NMRK1: variants seen among roughly 807,000 people sequenced by gnomAD.
The protein encoded by NMRK1 is nicotinamide riboside kinase 1.
A neutral mutation model predicts 29.9 loss-of-function variants in NMRK1; 28 were observed. The observed-to-expected ratio is 0.94, with a 90% CI of 0.69 to 1.28. NMRK1 has a LOEUF of 1.28. Among genes scored for constraint, NMRK1 ranks in the 50% most tolerant of loss-of-function variants. The pLI is 0.00. For synonymous variants in NMRK1, 58 were observed against 73.0 expected, an observed-to-expected ratio of 0.79 and a Z score of 1.05; for missense variants, 218 against 233.1, an observed-to-expected ratio of 0.94 and a Z score of 0.42.
intron 1 of NMRK1, 192 bp downstream of exon 1, chr9:75,087,816 G>A (rs1824765042): frequency 6.6e-6 from 1 of 152,266 alleles, no homozygotes; most frequent in African/African-American, 2.4e-5. Flanking sequence ...CGGGGCGCTA[G>A]AGCACCACGC....
In NMRK1 at chr9:75,083,019, A is replaced by G. The variant is rs1824406437; in HGVS notation, c.29+68T>C. ...TCACTGCTTCTCCGTCCCCCACTCCATCCACACAGAAACACCATTTGGACA... is the reference window on the plus strand; with the variant it reads ...TCACTGCTTCTCCGTCCCCCACTCCGTCCACACAGAAACACCATTTGGACA... On this transcript the variant is annotated intron_variant, in intron 2 of 8. Transcript: ENST00000361092. 9.7e-5 allele frequency: 111 copies of G among 1,145,998 alleles called. No homozygotes were observed. In the South Asian group the frequency reaches 1.3e-3, roughly 13 times the overall value. 71.0% of individuals were successfully genotyped at this position (1,145,998 alleles called of 1,614,324 possible).
chr9:75,080,468 A>AGATAG (rs1178148271), intron 2 of NMRK1, among the ~76,000 whole-genome samples: 1 of 152,194 alleles, frequency 6.6e-6, no homozygotes, highest in East Asian at 1.9e-4. Flanking sequence ...CCTGGTCAAC[A>AGATAG]TGGTGAAACC....
At position 75,069,993 on chromosome 9, in the gene NMRK1, C is replaced by A; in HGVS notation, c.219G>T (p.Trp73Cys). ...CCACAGAGTGTCTTGCGCTTTCCAT[C>A]CAGCAGGAAATGGCTGACATCATTT... Reference protein sequence around the residue: ...MEKMMSAISCWMESARHSVVS... With the variant: ...MEKMMSAISCCMESARHSVVS... The change falls in exon 5 of 9, where the codon TGG (tryptophan) becomes TGT (cysteine). Residue 73 changes from tryptophan to cysteine, a missense_variant. Transcript: ENST00000361092. 6.2e-7 allele frequency: 1 copy of A among 1,613,736 alleles called. No individual in the cohort carries two copies. Among genetic ancestry groups the A allele is most frequent in the East Asian group, 2.2e-5 (1 of 44,870 alleles).
At chr9:75,085,675 G>A (rs1415223496) in intron 1 of NMRK1, among the ~76,000 whole-genome samples, 1 of 145,740 alleles carries the variant, frequency 6.9e-6, no homozygotes, top group Non-Finnish European at 1.5e-5. Context: ...CCAGGAGTAA[G>A]ATGGCATAAA....
intron 2 of NMRK1, chr9:75,078,420 C>T (rs1346946990): frequency 1.9e-6 from 3 of 1,549,308 alleles, no homozygotes; most frequent in Admixed American, 2.0e-5. Context: ...TCACAACAGG[C>T]CAGTTATTTG....
intron 7 of NMRK1, among the ~76,000 whole-genome samples, chr9:75,067,875 T>C (rs191078056): frequency 3.9e-5 from 6 of 152,318 alleles, no homozygotes; most frequent in African/African-American, 7.2e-5. Context: ...GTCCCCTTTA[T>C]TGTGAAAAGC....
At position 75,060,860 on chromosome 9, in the gene NMRK1, AACAC is replaced by A. The variant is rs10525751; in HGVS notation, c.*684_*687del. The A allele has an allele frequency of 0.1, 14,261 of 136,466 alleles. 714 individuals are homozygous for A. The highest frequency in any genetic ancestry group is 0.2 in the East Asian group (959 of 4,806). The allele number at this position is 136,466 out of a possible 1,614,324, so 8.5% of individuals were successfully genotyped here. ...GATACAATGGTATTAGATACACGCC[AACAC>A]ACACACACACACACACACACACACA... On this transcript the variant is annotated 3_prime_UTR_variant, in exon 9 of 9. Coordinates refer to ENST00000361092, the MANE Select transcript of NMRK1 (RefSeq NM_017881.3).
intron 2 of NMRK1, among the ~76,000 whole-genome samples, chr9:75,079,158 T>C (rs1824176700): frequency 6.6e-6 from 1 of 152,214 alleles, no homozygotes; most frequent in African/African-American, 2.4e-5. Context: ...TATAACTCAA[T>C]TACTACCTTA....
At chr9:75,065,090 C>A (rs959363016) in intron 8 of NMRK1, among the ~76,000 whole-genome samples, 5 of 152,204 alleles carry the variant, frequency 3.3e-5, no homozygotes, top group African/African-American at 4.8e-5. Flanking sequence ...GCCTTGACTT[C>A]CTGGGCTAAA....
intron 8 of NMRK1, among the ~76,000 whole-genome samples, chr9:75,063,385 A>C (rs981403920): frequency 6.6e-6 from 1 of 151,764 alleles, no homozygotes; most frequent in African/African-American, 2.4e-5. Flanking sequence ...AAAAATAAAA[A>C]ACCTTAAAAA....
intron 2 of NMRK1, chr9:75,082,835 T>C: frequency 3.9e-6 from 2 of 511,472 alleles, no homozygotes; most frequent in Admixed American, 7.3e-5. Context: ...TCTCTGGTGT[T>C]AGCTCCACAA....
chr9:75,066,986 T>A (rs1490596807), intron 7 of NMRK1, 146 bp from the exon 8 acceptor site: 1 of 532,778 alleles, frequency 1.9e-6, no homozygotes, highest in Non-Finnish European at 3.3e-6. Context: ...TAATAGTGAT[T>A]AAAGAAAGAA....
chr9:75,070,980 CTATT>C (rs887271349), intron 4 of NMRK1, among the ~76,000 whole-genome samples: 4 of 151,306 alleles, frequency 2.6e-5, no homozygotes, highest in African/African-American at 9.7e-5. Context: ...TGTTCCTTCT[CTATT>C]TTTTTTTTAA....
At chr9:75,069,700 T>G (rs1823582501) in intron 6 of NMRK1, 42 bp downstream of exon 6, 1 of 1,507,204 alleles carries the variant, frequency 6.6e-7, no homozygotes, top group Middle Eastern at 1.8e-4. Flanking sequence ...TCTACATTTT[T>G]TGTTTTGAAT....
Position 75,069,802 on chromosome 9 carries a change from G to C in NMRK1, c.329C>G (p.Thr110Ser), listed in dbSNP as rs377219370. The C allele has an allele frequency of 1.9e-6, 3 of 1,612,536 alleles. No individual in the cohort carries two copies. Among genetic ancestry groups the C allele is most frequent in the Non-Finnish European group, 1.7e-6 (2 of 1,179,200 alleles). Residue 110 changes from threonine to serine, a missense_variant, in exon 6 of 9, where the codon ACT becomes AGT. Thr to Ser is a moderately conservative substitution (Grantham distance 58, BLOSUM62 1). Coordinates refer to ENST00000361092, the MANE Select transcript of NMRK1 (RefSeq NM_017881.3). ...FLLFNYKPLD[T>S]IWNRSYFLTI... ...CAGGAAATAGCTTCTATTCCATATAGTGTCAAGGGGCCTAAAATAACAGCA... is the reference window on the plus strand; with the variant it reads ...CAGGAAATAGCTTCTATTCCATATACTGTCAAGGGGCCTAAAATAACAGCA...
rs1824065900 is a variant in NMRK1 at position 75,077,507 on chromosome 9, G to C, written c.103C>G (p.Gln35Glu). 4 of 1,609,134 alleles carry C rather than the reference G, an allele frequency of 2.5e-6. No individual in the cohort carries two copies. The highest frequency in any genetic ancestry group is 3.4e-6 in the Non-Finnish European group (4 of 1,175,508). Residue 35 changes from glutamine to glutamate, a missense_variant, in exon 3 of 9, where the codon CAG becomes GAG. Physicochemically the swap from Gln to Glu is conservative, Grantham distance 29 (BLOSUM62 2). Coordinates refer to ENST00000361092, the MANE Select transcript of NMRK1 (RefSeq NM_017881.3). Reference protein sequence around the residue: ...KHLPNCSVISQDDFFKPESEI... With the variant: ...KHLPNCSVISEDDFFKPESEI... The stretch of plus-strand genomic sequence containing the variant: ...ATAGATACCTTGAAGAAATCATCCT[G>C]AGATATGACACTGCAATTTGGGAGG...
At chr9:75,086,622 G>T (rs1311137593) in intron 1 of NMRK1, among the ~76,000 whole-genome samples, 1 of 152,154 alleles carries the variant, frequency 6.6e-6, no homozygotes, top group African/African-American at 2.4e-5. Context: ...CTAAACTGCA[G>T]AATGGTCAGA....
chr9:75,066,218 T>A (rs749673397), intron 8 of NMRK1: 1 of 510,086 alleles, frequency 2.0e-6, no homozygotes, highest in Non-Finnish European at 3.9e-6. Flanking sequence ...GAAGCCACCA[T>A]TACCCCTGTA....
chr9:75,085,729 T>TTG (rs560286792), intron 1 of NMRK1, among the ~76,000 whole-genome samples: 1 of 121,620 alleles, frequency 8.2e-6, no homozygotes, highest in Non-Finnish European at 1.8e-5. Flanking sequence ...AATGTAAGTT[T>TTG]TTTTTTTTTT....
Sources: gnomAD v4.1 joint callset for allele counts (sites outside exome capture counted in the v4.1 genomes callset) on GRCh38, gnomAD v4.1.1 for gene constraint, MANE v1.5 for transcripts, NCBI Gene and HGNC (gene_info 2026-07-23, HGNC 2026-07-21) for gene names.